Variants in TRPM3 observed in about 807,000 individuals in gnomAD.
TRPM3 encodes transient receptor potential cation channel subfamily M member 3.
Under a neutral mutation model 181.2 loss-of-function variants are expected in TRPM3, and 77 were observed. That is an observed-to-expected ratio of 0.42 (90% CI 0.35 to 0.51). The LOEUF is 0.51. Ranked by LOEUF, TRPM3 falls within the 20% of genes least tolerant of loss-of-function variation. TRPM3 has a pLI of 0.01. For missense variants in TRPM3, 1,759 were observed against 2,196.7 expected, an observed-to-expected ratio of 0.80 and a Z score of 3.98; for synonymous variants, 745 against 796.4, an observed-to-expected ratio of 0.94 and a Z score of 1.09.
chr9:71,059,191 T>C (rs546581372), intron 1 of TRPM3, among the ~76,000 whole-genome samples: 37 of 151,910 alleles, frequency 2.4e-4, no homozygotes, highest in Admixed American at 1.9e-3. Flanking sequence ...TCCAGGCTTC[T>C]TGAAAGCATC....
Position 70,850,952 on chromosome 9 carries a change from C to T in TRPM3, c.463-4361G>A, listed in dbSNP as rs139282243. 7.8e-4 allele frequency among the ~76,000 whole-genome samples: 119 copies of T among 152,316 alleles called. 3 individuals carry two copies. Among genetic ancestry groups the T allele is most frequent in the African/African-American group, 2.4e-3 (101 of 41,570 alleles). On this transcript the variant is annotated intron_variant, in intron 3 of 25. Coordinates refer to ENST00000677713, the MANE Select transcript of TRPM3 (RefSeq NM_001366145.2). ...AGATATAAATTACACTTTTCTTAAA[C>T]ACAGAAAAGCATCTAAAGTATAAAA...
chr9:70,660,474 A>G (rs1589925069), intron 9 of TRPM3, among the ~76,000 whole-genome samples: 2 of 152,088 alleles, frequency 1.3e-5, no homozygotes, highest in African/African-American at 4.8e-5. Flanking sequence ...TTCATCCTAC[A>G]TATGTTGACT....
intron 1 of TRPM3, among the ~76,000 whole-genome samples, chr9:71,350,744 T>A (rs1458806440): frequency 6.6e-6 from 1 of 152,232 alleles, no homozygotes; most frequent in Non-Finnish European, 1.5e-5. Context: ...AATTGCCAGC[T>A]CTGTCATCTA....
chr9:71,200,102 CT>C (rs2131722066), intron 1 of TRPM3, among the ~76,000 whole-genome samples: 1 of 152,014 alleles, frequency 6.6e-6, no homozygotes, highest in Non-Finnish European at 1.5e-5. Flanking sequence ...CAAAGAACAT[CT>C]TTATTTCTGC....
chr9:70,699,219 A>C (rs555965650), intron 8 of TRPM3, among the ~76,000 whole-genome samples: 33 of 152,146 alleles, frequency 2.2e-4, no homozygotes, highest in Non-Finnish European at 4.1e-4. Flanking sequence ...GTGACAAGAA[A>C]ATTTTTTCTA....
At chr9:70,657,508 G>A (rs1589882577) in intron 9 of TRPM3, among the ~76,000 whole-genome samples, 1 of 152,202 alleles carries the variant, frequency 6.6e-6, no homozygotes, top group African/African-American at 2.4e-5. Flanking sequence ...ACTGTAGAAG[G>A]TCTTTTCTTT....
At position 70,926,299 on chromosome 9, in the gene TRPM3, A is replaced by T. The variant is rs180698148; in HGVS notation, c.178-61788T>A. Among the ~76,000 whole-genome samples the T allele has an allele frequency of 2.0e-4, 31 of 152,278 alleles. No individual in the cohort carries two copies. In the East Asian group the frequency reaches 5.6e-3, roughly 27 times the overall value. ...CAAAGTTGGAATAAGCAATATTTTT[A>T]AAATATTTCAGGTCCAGCCCAAACT... On this transcript the variant is annotated intron_variant, in intron 1 of 25. Coordinates refer to ENST00000677713, the MANE Select transcript of TRPM3 (RefSeq NM_001366145.2).
intron 1 of TRPM3, among the ~76,000 whole-genome samples, chr9:71,155,481 T>TTTTTATTTTA (rs10688191): frequency 0.18 from 23,609 of 128,708 alleles, 2,567 homozygotes; most frequent in Admixed American, 0.24. Context: ...ACCATGCTTA[T>TTTTTATTTTA]TTTTATTTTA....
intron 1 of TRPM3, among the ~76,000 whole-genome samples, chr9:70,876,148 T>G (rs913276951): frequency 3.2e-4 from 48 of 151,782 alleles, no homozygotes; most frequent in African/African-American, 9.7e-4. Context: ...ATATTGTTAA[T>G]GTCTTTCCTT....
chr9:70,549,421 T>C, intron 25 of TRPM3, 121 bp downstream of exon 25: 1 of 1,303,374 alleles, frequency 7.7e-7, no homozygotes, highest in Non-Finnish European at 1.0e-6. Context: ...GCTCCATGAT[T>C]TCTCAGACAA....
chr9:71,023,525 T>C (rs1022196651), intron 1 of TRPM3, among the ~76,000 whole-genome samples: 2 of 152,124 alleles, frequency 1.3e-5, no homozygotes, highest in African/African-American at 4.8e-5. Context: ...CAAAAAAACC[T>C]GTGCATGAGT....
chr9:71,013,361 A>G (rs1311389751), intron 1 of TRPM3, among the ~76,000 whole-genome samples: 1 of 152,006 alleles, frequency 6.6e-6, no homozygotes, highest in Non-Finnish European at 1.5e-5. Context: ...TTACAATTAC[A>G]TCTATATATG....
chr9:70,855,522 A>T (rs2095363771), intron 3 of TRPM3, among the ~76,000 whole-genome samples: 1 of 152,216 alleles, frequency 6.6e-6, no homozygotes, highest in African/African-American at 2.4e-5. Context: ...CTTCTACTGT[A>T]AGGCCATCTT....
chr9:71,426,479 C>T (rs1200269312), intron 1 of TRPM3, among the ~76,000 whole-genome samples: 1 of 152,064 alleles, frequency 6.6e-6, no homozygotes, highest in East Asian at 1.9e-4. Flanking sequence ...CATAATGATA[C>T]AGAGTGTCAG....
chr9:70,936,436 T>C (rs1044342565), intron 1 of TRPM3, among the ~76,000 whole-genome samples: 3 of 152,228 alleles, frequency 2.0e-5, no homozygotes, highest in Non-Finnish European at 4.4e-5. Flanking sequence ...TTTGATAGGA[T>C]GTTTCATTAT....
intron 8 of TRPM3, among the ~76,000 whole-genome samples, chr9:70,749,543 T>C (rs1391099511): frequency 1.3e-5 from 2 of 152,104 alleles, no homozygotes; most frequent in Admixed American, 6.6e-5. Context: ...TTGGAAACTA[T>C]AGGGCAGAGT....
Position 70,892,446 on chromosome 9 carries a change from TA to T in TRPM3, c.178-27936del, listed in dbSNP as rs544761691. Reference sequence around the variant, plus strand: ...TTGAGATTACAAACAATATCAAAATTATTTTCACAGCTGTGCAACATTTATT... The same window carrying T: ...TTGAGATTACAAACAATATCAAAATTTTTTCACAGCTGTGCAACATTTATT... On this transcript the variant is annotated intron_variant, in intron 1 of 25. Coordinates refer to ENST00000677713, the MANE Select transcript of TRPM3 (RefSeq NM_001366145.2). Among the ~76,000 whole-genome samples, 49 of 152,212 alleles carry T rather than the reference TA, an allele frequency of 3.2e-4. 3 individuals carry two copies. In the East Asian group the frequency reaches 9.1e-3, roughly 28 times the overall value.
In TRPM3 at chr9:70,784,162, C is replaced by T; in HGVS notation, c.1091G>A (p.Gly364Glu). 6.2e-7 allele frequency: 1 copy of T among 1,613,820 alleles called. No individual in the cohort carries two copies. Among genetic ancestry groups the T allele is most frequent in the Non-Finnish European group, 8.5e-7 (1 of 1,179,832 alleles). ...TPPVPVVVCD[G>E]SGRASDILAF... ...CAGGATGTCCGATGCCCGTCCACTC[C>T]CATCACAGACAACCACTGGCACGGG... Residue 364 changes from glycine (G) to glutamate (E), a missense_variant, in exon 7 of 26, where the codon GGG (glycine) becomes GAG (glutamate). Physicochemically the swap from Gly to Glu is moderately conservative, Grantham distance 98. Around this residue, in one of 8 missense-constraint regions of TRPM3, gnomAD observed 737 missense variants for 957.4 expected, o/e 0.77. Transcript: ENST00000677713.
chr9:70,567,744 G>A (rs185470389), intron 22 of TRPM3, among the ~76,000 whole-genome samples: 1 of 151,910 alleles, frequency 6.6e-6, no homozygotes, highest in African/African-American at 2.4e-5. Flanking sequence ...TTGTCGAATT[G>A]TGAAACAAAA....
Sources: allele counts gnomAD v4.1 joint callset (sites outside exome capture counted in the v4.1 genomes callset), GRCh38; gene constraint gnomAD v4.1.1; regional missense constraint gnomAD v4.1.1; transcripts MANE v1.5; gene names NCBI Gene and HGNC (gene_info 2026-07-23, HGNC 2026-07-21).